Variants in NLGN1 observed in about 807,000 individuals in gnomAD.
NLGN1 encodes the protein neuroligin 1.
NLGN1 carries 12 observed loss-of-function variants against 65.5 expected under a neutral mutation model. The ratio of observed to expected loss-of-function variants is 0.18; its 90% CI spans 0.12 to 0.30. The LOEUF is 0.30. Ranked by LOEUF, NLGN1 falls within the 10% of genes least tolerant of loss-of-function variation. The probability of loss-of-function intolerance (pLI) is 1.00; values close to 1 mark genes in which losing one functional copy is unlikely to be tolerated. For missense variants in NLGN1, 750 were observed against 1,007.1 expected, an observed-to-expected ratio of 0.74 and a Z score of 3.46; for synonymous variants, 350 against 359.5, an observed-to-expected ratio of 0.97 and a Z score of 0.30.
chr3:174,117,361 A>G (rs1331645548), intron 4 of NLGN1, among the ~76,000 whole-genome samples: 1 of 152,116 alleles, frequency 6.6e-6, no homozygotes, highest in African/African-American at 2.4e-5. Flanking sequence ...TCACGCCTGT[A>G]ATCCCAGCAC....
rs539037484 is a variant in NLGN1 at position 173,769,170 on chromosome 3, C to T, written c.494-38510C>T. Among the ~76,000 whole-genome samples the T allele has an allele frequency of 9.8e-5, 15 of 152,302 alleles. No homozygotes were observed. The South Asian group carries it at 3.1e-3, about 32-fold the overall frequency. On this transcript the variant is annotated intron_variant, in intron 3 of 6. Coordinates refer to ENST00000457714, the Ensembl canonical transcript of NLGN1. ...TTTTGGAGGCATTAATAGTGAACAT[C>T]ACCTCCTACCCCTTACACTCATCTT...
intron 3 of NLGN1, 30 bp from the exon 3 acceptor site, chr3:173,605,504 T>A (rs1349927552): frequency 4.1e-6 from 5 of 1,223,842 alleles, no homozygotes; most frequent in Non-Finnish European, 5.4e-6. Flanking sequence ...GAGCGCCATG[T>A]TATTTTCTAG....
chr3:173,539,777 C>T (rs1560407520), intron 2 of NLGN1, among the ~76,000 whole-genome samples: 1 of 116,578 alleles, frequency 8.6e-6, no homozygotes, highest in East Asian at 3.3e-4. Flanking sequence ...ATATATAACA[C>T]ATATATATGT....
intron 1 of NLGN1, among the ~76,000 whole-genome samples, chr3:173,428,676 G>C (rs1716605102): frequency 6.6e-6 from 1 of 151,864 alleles, no homozygotes. Context: ...AGGTATAAGT[G>C]GTTGATACAT....
chr3:173,881,550 G>A (rs1254688284), intron 4 of NLGN1, among the ~76,000 whole-genome samples: 5 of 149,416 alleles, frequency 3.3e-5, no homozygotes, highest in Non-Finnish European at 7.4e-5. Flanking sequence ...TCAGCCTCCC[G>A]AGTAGCTGGG....
chr3:174,069,285 C>T (rs1471887384), intron 4 of NLGN1, among the ~76,000 whole-genome samples: 1 of 152,060 alleles, frequency 6.6e-6, no homozygotes, highest in Non-Finnish European at 1.5e-5. Context: ...GGATATGAGG[C>T]TAAATAATAA....
intron 3 of NLGN1, among the ~76,000 whole-genome samples, chr3:173,776,856 G>A (rs1348770046): frequency 2.6e-5 from 4 of 151,960 alleles, no homozygotes; most frequent in Non-Finnish European, 5.9e-5. Flanking sequence ...TCAAGTAGCA[G>A]TGGAATGATC....
At chr3:173,487,950 G>C (rs1377582066) in intron 2 of NLGN1, among the ~76,000 whole-genome samples, 1 of 151,674 alleles carries the variant, frequency 6.6e-6, no homozygotes, top group Non-Finnish European at 1.5e-5. Flanking sequence ...TGATCCATTT[G>C]AATTTATTCT....
At chr3:174,282,789 A>G (rs1230541786) in exon 7 of NLGN1, 1 of 152,166 alleles carries the variant, frequency 6.6e-6, no homozygotes, top group African/African-American at 2.4e-5. Context: ...CTATATTTCT[A>G]TTAGACTAAA....
chr3:174,170,711 A>G (rs768155860), intron 4 of NLGN1, among the ~76,000 whole-genome samples: 31 of 152,192 alleles, frequency 2.0e-4, no homozygotes, highest in Admixed American at 1.0e-3. Flanking sequence ...TGTGCATAAC[A>G]GTGACCACAA....
At chr3:174,156,599 T>A (rs1045349347) in intron 4 of NLGN1, among the ~76,000 whole-genome samples, 1 of 151,760 alleles carries the variant, frequency 6.6e-6, no homozygotes, top group African/African-American at 2.4e-5. Context: ...GGTATTGTTT[T>A]AAGAATGATA....
At chr3:173,611,898 T>A (rs1376916910) in intron 3 of NLGN1, among the ~76,000 whole-genome samples, 3 of 152,094 alleles carry the variant, frequency 2.0e-5, no homozygotes, top group Non-Finnish European at 4.4e-5. Context: ...AAATAAATTC[T>A]TGGTAAAAAC....
At chr3:173,624,597 A>G (rs2901925) in intron 3 of NLGN1, among the ~76,000 whole-genome samples, 61,799 of 151,874 alleles carry the variant, frequency 0.41, 14,017 homozygotes, top group African/African-American at 0.63. Context: ...ATTAGCTGTG[A>G]TATGATATTG....
intron 4 of NLGN1, among the ~76,000 whole-genome samples, chr3:173,843,004 A>G (rs528243727): frequency 2.0e-5 from 3 of 152,152 alleles, no homozygotes; most frequent in Non-Finnish European, 4.4e-5. Flanking sequence ...GTTTCCATAC[A>G]TCTTCTGAAA....
intron 3 of NLGN1, among the ~76,000 whole-genome samples, chr3:173,718,261 A>G (rs144213310): frequency 4.1e-4 from 62 of 152,106 alleles, no homozygotes; most frequent in African/African-American, 1.4e-3. Context: ...CTCTCTAACT[A>G]TATGTTTGTA....
intron 2 of NLGN1, among the ~76,000 whole-genome samples, chr3:173,477,730 G>C (rs568661824): frequency 7.9e-5 from 12 of 152,290 alleles, no homozygotes; most frequent in Middle Eastern, 3.4e-3. Context: ...AATGATAAGT[G>C]ATGTTGAGCT....
chr3:173,955,707 A>T (rs1054341096), intron 4 of NLGN1, among the ~76,000 whole-genome samples: 6 of 152,216 alleles, frequency 3.9e-5, no homozygotes, highest in African/African-American at 1.4e-4. Context: ...TCAGATAAAA[A>T]TAGTTGAAGA....
intron 4 of NLGN1, among the ~76,000 whole-genome samples, chr3:174,089,649 A>G (rs2152562995): frequency 6.6e-6 from 1 of 152,306 alleles, no homozygotes; most frequent in South Asian, 2.1e-4. Context: ...TAGTTAATAT[A>G]TATTAACTCA....
chr3:174,243,643 G>C (rs1039711581), intron 4 of NLGN1, among the ~76,000 whole-genome samples: 1 of 151,956 alleles, frequency 6.6e-6, no homozygotes. Flanking sequence ...TTATATTGCA[G>C]TTTCTCGTCA....
Sources: gnomAD v4.1 joint callset for allele counts (sites outside exome capture counted in the v4.1 genomes callset) on GRCh38, gnomAD v4.1.1 for gene constraint, MANE v1.5 for transcripts, NCBI Gene and HGNC (gene_info 2026-07-23, HGNC 2026-07-21) for gene names.